NBAS: variants seen among roughly 807,000 people sequenced by gnomAD.
The protein encoded by NBAS is NBAS subunit of NRZ tethering complex.
NBAS carries 219 observed loss-of-function variants against 302.5 expected under a neutral mutation model. The ratio of observed to expected loss-of-function variants is 0.72; its 90% CI spans 0.65 to 0.81. The LOEUF (loss-of-function observed/expected upper bound fraction) is 0.81. Among genes scored for constraint, NBAS ranks in the 30% least tolerant of loss-of-function variants. The probability of loss-of-function intolerance (pLI) is 0.00; values close to 1 mark genes in which losing one functional copy is unlikely to be tolerated. For synonymous variants in NBAS, 1,118 were observed against 1,021.6 expected (o/e 1.09, Z -1.80); for missense variants, 2,932 against 2,841.6 (o/e 1.03, Z -0.72).
chr2:15,255,051 T>C (rs1366393019), intron 44 of NBAS, among the ~76,000 whole-genome samples: 1 of 152,230 alleles, frequency 6.6e-6, no homozygotes, highest in Non-Finnish European at 1.5e-5. Context: ...TTTTTTCATA[T>C]AATGACTTCT....
At chr2:15,522,932 A>C (rs1293048710) in intron 9 of NBAS, among the ~76,000 whole-genome samples, 1 of 152,242 alleles carries the variant, frequency 6.6e-6, no homozygotes, top group Non-Finnish European at 1.5e-5. Flanking sequence ...AAAAATCATA[A>C]GACTAAATAC....
intron 19 of NBAS, among the ~76,000 whole-genome samples, chr2:15,463,955 G>A (rs1679618832): frequency 6.6e-6 from 1 of 151,922 alleles, no homozygotes; most frequent in Non-Finnish European, 1.5e-5. Flanking sequence ...TAAGATATAC[G>A]GGCTTTGCTT....
At chr2:15,115,276 C>A in the NBAS span, among the ~76,000 whole-genome samples, 399 of 152,206 alleles carry the variant, frequency 2.6e-3, 2 homozygotes, top group African/African-American at 8.4e-3. Flanking sequence ...TTGTTTCAAT[C>A]CCTGGGGAAA....
intron 42 of NBAS, 67 bp from the exon 43 acceptor site, chr2:15,277,168 A>G (rs1172684386): frequency 2.6e-6 from 4 of 1,568,234 alleles, no homozygotes. Flanking sequence ...TTTTTTTTTA[A>G]CCAAGGAAGA....
intron 42 of NBAS, among the ~76,000 whole-genome samples, chr2:15,278,889 T>C (rs1169877373): frequency 6.6e-6 from 1 of 152,046 alleles, no homozygotes; most frequent in Non-Finnish European, 1.5e-5. Flanking sequence ...GAAGCAGAAA[T>C]AATGTGAACA....
the NBAS span, among the ~76,000 whole-genome samples, chr2:14,799,806 T>A: frequency 6.6e-6 from 1 of 152,326 alleles, no homozygotes; most frequent in Admixed American, 6.5e-5. Flanking sequence ...AATTCTTTTA[T>A]TAAAAATTAT....
the NBAS span, among the ~76,000 whole-genome samples, chr2:14,970,465 C>T: frequency 6.6e-6 from 1 of 152,136 alleles, no homozygotes; most frequent in African/African-American, 2.4e-5. Flanking sequence ...CAGCACCTAA[C>T]ATATTTGAGG....
the NBAS span, among the ~76,000 whole-genome samples, chr2:15,106,513 G>A: frequency 1.3e-5 from 2 of 149,394 alleles, no homozygotes; most frequent in Admixed American, 6.7e-5. Flanking sequence ...GGGTTCCATA[G>A]GAGTTACCTG....
chr2:14,787,939 CCT>C, the NBAS span, among the ~76,000 whole-genome samples: 3 of 152,158 alleles, frequency 2.0e-5, no homozygotes, highest in African/African-American at 7.2e-5. Context: ...TTCCATTCTC[CCT>C]GTCACTTTCA....
chr2:14,837,798 C>T, the NBAS span, among the ~76,000 whole-genome samples: 1 of 151,470 alleles, frequency 6.6e-6, no homozygotes, highest in East Asian at 1.9e-4. Flanking sequence ...TTACCATATT[C>T]CTTGTATTTA....
chr2:14,779,218 CAT>C, the NBAS span, among the ~76,000 whole-genome samples: 1 of 152,186 alleles, frequency 6.6e-6, no homozygotes, highest in Non-Finnish European at 1.5e-5. Flanking sequence ...GACAAGATCA[CAT>C]GTCTCATATT....
chr2:15,397,754 T>A (rs535338805), intron 26 of NBAS: 2 of 258,490 alleles, frequency 7.7e-6, no homozygotes, highest in East Asian at 2.1e-4. Flanking sequence ...CTTTTTGGCA[T>A]GACCGTTGTT....
chr2:14,926,641 G>A, the NBAS span, among the ~76,000 whole-genome samples: 2 of 152,134 alleles, frequency 1.3e-5, no homozygotes, highest in Non-Finnish European at 2.9e-5. Context: ...TCACTTAAAA[G>A]TTCACTTTTA....
At chr2:15,131,812 AG>A in the NBAS span, among the ~76,000 whole-genome samples, 217 of 152,298 alleles carry the variant, frequency 1.4e-3, 1 homozygote, top group African/African-American at 5.0e-3. Flanking sequence ...GAAGGCCTAC[AG>A]GGAGCTTTTA....
Position 15,237,255 on chromosome 2 carries a change from C to A in NBAS, c.5943+1213G>T, listed in dbSNP as rs148964578. On this transcript the variant is annotated intron_variant, in intron 45 of 51. Coordinates refer to ENST00000281513, the MANE Select transcript of NBAS (RefSeq NM_015909.4). ...CAATTGTTAAAATATAGAACAAAATCTCTAAGGGCCTTAGAGAGCTTCTGG... is the reference window on the plus strand; with the variant it reads ...CAATTGTTAAAATATAGAACAAAATATCTAAGGGCCTTAGAGAGCTTCTGG... 5.2e-3 allele frequency among the ~76,000 whole-genome samples: 786 copies of A among 152,142 alleles called. 3 individuals are homozygous for A. Among genetic ancestry groups the A allele is most frequent in the African/African-American group, 0.016 (674 of 41,526 alleles).
At chr2:15,372,558 A>C (rs1238398497) in intron 31 of NBAS, among the ~76,000 whole-genome samples, 4 of 152,252 alleles carry the variant, frequency 2.6e-5, no homozygotes, top group Non-Finnish European at 5.9e-5. Context: ...AAAGAAGCTA[A>C]AACCTAAATG....
chr2:15,399,776 C>T (rs1381733758), intron 26 of NBAS, among the ~76,000 whole-genome samples: 1 of 149,384 alleles, frequency 6.7e-6, no homozygotes, highest in Non-Finnish European at 1.5e-5. Context: ...AACAGAAACA[C>T]AAAAAATGAA....
chr2:15,213,305 T>C (rs1275317695), intron 48 of NBAS, among the ~76,000 whole-genome samples: 1 of 152,244 alleles, frequency 6.6e-6, no homozygotes, highest in Non-Finnish European at 1.5e-5. Context: ...CATATTGCCC[T>C]GTTCAAACAA....
At position 15,473,252 on chromosome 2, in the gene NBAS, C is replaced by G; in HGVS notation, c.1695G>C (p.Ala565=). 6.2e-7 allele frequency: 1 copy of G among 1,614,008 alleles called. No individual in the cohort carries two copies. The highest frequency in any genetic ancestry group is 8.5e-7 in the Non-Finnish European group (1 of 1,179,922). Residue 565 remains alanine, a synonymous_variant, in exon 16 of 52, where the codon GCG becomes GCC. Transcript: ENST00000281513. ...AATTCTGAATTGAAGCAACGTTGAC[C>G]GCTGACTTCCTCCACTGCCTCTGAT... The part of the protein sequence containing the change: ...LVYQRQWRKS[A]VNVASIQNYL...
Sources: gnomAD v4.1 joint callset for allele counts (sites outside exome capture counted in the v4.1 genomes callset) on GRCh38, gnomAD v4.1.1 for gene constraint, MANE v1.5 for transcripts, NCBI Gene and HGNC (gene_info 2026-07-23, HGNC 2026-07-21) for gene names.